The following CYFIP1 variants were observed in gnomAD, a reference collection of about 807,000 sequenced individuals.
CYFIP1 encodes the protein cytoplasmic FMR1-interacting protein 1.
A neutral mutation model predicts 163.5 loss-of-function variants in CYFIP1; 58 were observed. The observed-to-expected ratio is 0.35, with a 90% CI of 0.29 to 0.44. CYFIP1 has a LOEUF of 0.44. Ranked by LOEUF, CYFIP1 falls within the 20% of genes least tolerant of loss-of-function variation. The pLI is 1.00. For missense variants in CYFIP1, 1,338 were observed against 1,653.8 expected (o/e 0.81, Z 3.31); for synonymous variants, 663 against 660.7 (o/e 1.00, Z -0.05).
intron 11 of CYFIP1, among the ~76,000 whole-genome samples, chr15:22,930,389 CAAAAAAAAAAAA>C (rs35398202): frequency 9.6e-5 from 11 of 114,082 alleles, no homozygotes; most frequent in African/African-American, 2.5e-4. Context: ...CCGTCTCACC[CAAAAAAAAAAAA>C]AAAAAAAAAA....
chr15:22,930,389 CAAAAAA>C (rs35398202), intron 11 of CYFIP1, among the ~76,000 whole-genome samples: 1 of 114,082 alleles, frequency 8.8e-6, no homozygotes, highest in Non-Finnish European at 1.8e-5. Context: ...CCGTCTCACC[CAAAAAA>C]AAAAAAAAAA....
chr15:22,979,344 C>A (rs775145155), intron 1 of CYFIP1, among the ~76,000 whole-genome samples: 7 of 152,310 alleles, frequency 4.6e-5, no homozygotes, highest in Admixed American at 3.9e-4. Flanking sequence ...AATGTGCGCA[C>A]TGCACCAGGC....
At chr15:22,957,945 C>T (rs1252605865) in intron 1 of CYFIP1, among the ~76,000 whole-genome samples, 1 of 152,200 alleles carries the variant, frequency 6.6e-6, no homozygotes. Context: ...GGGACCGCGC[C>T]AGCATGGCTG....
intron 23 of CYFIP1, among the ~76,000 whole-genome samples, chr15:22,892,608 G>A (rs2060111956): frequency 6.6e-6 from 1 of 152,158 alleles, no homozygotes; most frequent in African/African-American, 2.4e-5. Flanking sequence ...TTTGTGCTGG[G>A]AAAGAGACCA....
At position 22,873,751 on chromosome 15, in the gene CYFIP1, G is replaced by A. The variant is rs200806546; in HGVS notation, c.3211-22C>T. On this transcript the variant is annotated intron_variant, in intron 28 of 30. Coordinates refer to ENST00000617928, the MANE Select transcript of CYFIP1 (RefSeq NM_014608.6). ...TTTGCTGCAGAAAGGACAAGCCGTG[G>A]AATGCCGTGGGCCTCCAGGCATCCA... is the stretch of plus-strand genomic sequence containing the variant. 7 of 1,593,822 alleles carry A rather than the reference G, an allele frequency of 4.4e-6. No homozygotes were observed. In the East Asian group the frequency reaches 1.1e-4, roughly 25 times the overall value.
At chr15:22,937,264 C>T (rs759898509) in intron 8 of CYFIP1, 56 bp from the exon 9 acceptor site, 1 of 1,022,168 alleles carries the variant, frequency 9.8e-7, no homozygotes, top group Admixed American at 1.7e-5. Context: ...AATTTCACTA[C>T]CCATAAGGAC....
intron 1 of CYFIP1, among the ~76,000 whole-genome samples, chr15:22,959,045 C>G (rs530829151): frequency 6.6e-6 from 1 of 152,266 alleles, no homozygotes; most frequent in African/African-American, 2.4e-5. Flanking sequence ...AGGTGGGGCC[C>G]TCAGGACAAT....
intron 22 of CYFIP1, among the ~76,000 whole-genome samples, chr15:22,896,138 G>A (rs892072718): frequency 6.6e-6 from 1 of 152,110 alleles, no homozygotes; most frequent in Admixed American, 6.6e-5. Flanking sequence ...GCAGTCTTGT[G>A]GAGGACTGTG....
intron 5 of CYFIP1, among the ~76,000 whole-genome samples, chr15:22,943,603 T>G (rs1353929189): frequency 6.6e-6 from 1 of 152,216 alleles, no homozygotes; most frequent in African/African-American, 2.4e-5. Context: ...AAAATCTTGC[T>G]GATTATTCCA....
intron 9 of CYFIP1, 21 bp downstream of exon 9, chr15:22,937,083 A>T: frequency 6.7e-7 from 1 of 1,482,386 alleles, no homozygotes; most frequent in Non-Finnish European, 9.4e-7. Flanking sequence ...AAAAACATTG[A>T]TCTAAAAACA....
chr15:22,916,043 G>C (rs1381731115), intron 16 of CYFIP1, among the ~76,000 whole-genome samples: 8 of 152,156 alleles, frequency 5.3e-5, no homozygotes, highest in Admixed American at 3.9e-4. Context: ...GGAGGGCAGA[G>C]AGCGCACCCA....
At chr15:22,964,531 T>C (rs959257002) in intron 1 of CYFIP1, among the ~76,000 whole-genome samples, 12 of 152,200 alleles carry the variant, frequency 7.9e-5, no homozygotes, top group African/African-American at 2.9e-4. Flanking sequence ...AGCAGGGCAG[T>C]TTCCCCTGCC....
chr15:22,887,804 A>G (rs559080700), intron 23 of CYFIP1, among the ~76,000 whole-genome samples: 1 of 152,330 alleles, frequency 6.6e-6, no homozygotes, highest in East Asian at 1.9e-4. Context: ...ACTTAAGCTC[A>G]GAAGAGGAAG....
At chr15:22,916,382 G>A (rs967739411) in intron 16 of CYFIP1, 95 bp downstream of exon 16, 56 of 917,570 alleles carry the variant, frequency 6.1e-5, no homozygotes, top group Admixed American at 1.5e-4. Flanking sequence ...ACCAAGGGAC[G>A]GGGTAGGGGG....
chr15:22,910,442 G>A (rs907749893), intron 20 of CYFIP1, 78 bp downstream of exon 20: 2 of 1,224,830 alleles, frequency 1.6e-6, no homozygotes, highest in Admixed American at 1.9e-5. Flanking sequence ...TTACAGGCGT[G>A]AGCCACCGCA....
intron 11 of CYFIP1, among the ~76,000 whole-genome samples, chr15:22,930,229 A>AC (rs2142208675): frequency 6.7e-6 from 1 of 150,322 alleles, no homozygotes; most frequent in Non-Finnish European, 1.5e-5. Context: ...AACACAAAAA[A>AC]ACACACACAC....
intron 1 of CYFIP1, among the ~76,000 whole-genome samples, chr15:22,955,468 A>C (rs1567026279): frequency 6.6e-6 from 1 of 152,208 alleles, no homozygotes; most frequent in Non-Finnish European, 1.5e-5. Context: ...GGACAGAGGC[A>C]GCATGGAGCT....
rs542117479 is a variant in CYFIP1, at chr15:22,916,936, C to G, written c.1675-306G>C. ...CACGACTGCCTCAGAAACGTGTTAACCGCATGCAAGAGCCTCTCCATGCCC... is the reference window on the plus strand; with the variant it reads ...CACGACTGCCTCAGAAACGTGTTAAGCGCATGCAAGAGCCTCTCCATGCCC... On this transcript the variant is annotated intron_variant, in intron 15 of 30. Transcript: ENST00000617928. 6 of 1,551,746 alleles carry G rather than the reference C, an allele frequency of 3.9e-6. No individual in the cohort carries two copies. The East Asian group carries it at 9.8e-5, about 25-fold the overall frequency.
chr15:22,937,898 C>G (rs2061767931), intron 8 of CYFIP1, among the ~76,000 whole-genome samples: 1 of 152,180 alleles, frequency 6.6e-6, no homozygotes, highest in Admixed American at 6.5e-5. Flanking sequence ...GCCACCGTGC[C>G]CAGTCACAAA....
Sources: allele counts gnomAD v4.1 joint callset (sites outside exome capture counted in the v4.1 genomes callset), GRCh38; gene constraint gnomAD v4.1.1; transcripts MANE v1.5; gene names NCBI Gene and HGNC (gene_info 2026-07-23, HGNC 2026-07-21).